ROR1: variants seen among roughly 807,000 people sequenced by gnomAD.
The protein encoded by ROR1 is inactive tyrosine-protein kinase transmembrane receptor ROR1.
ROR1 carries 19 observed loss-of-function variants against 78.8 expected under a neutral mutation model. The ratio of observed to expected loss-of-function variants is 0.24; its 90% CI spans 0.17 to 0.35. The LOEUF (loss-of-function observed/expected upper bound fraction) is 0.35. Ranked by LOEUF, ROR1 falls within the 10% of genes least tolerant of loss-of-function variation. ROR1 has a pLI of 1.00. For missense variants in ROR1, 917 were observed against 1,177.8 expected (o/e 0.78, Z 3.24); for synonymous variants, 386 against 433.6 (o/e 0.89, Z 1.36).
chr1:63,803,879 G>A (rs1318533974), intron 1 of ROR1, among the ~76,000 whole-genome samples: 1 of 152,058 alleles, frequency 6.6e-6, no homozygotes, highest in East Asian at 1.9e-4. Context: ...AAAAATAAAT[G>A]AACTGTCGAT....
At chr1:63,900,127 G>A (rs1303124973) in intron 1 of ROR1, among the ~76,000 whole-genome samples, 1 of 152,062 alleles carries the variant, frequency 6.6e-6, no homozygotes, top group African/African-American at 2.4e-5. Flanking sequence ...TTTGAAGAAA[G>A]CTATTTCTAA....
chr1:64,072,133 C>T (rs1225909354), intron 4 of ROR1, among the ~76,000 whole-genome samples: 2 of 152,190 alleles, frequency 1.3e-5, no homozygotes, highest in Non-Finnish European at 2.9e-5. Context: ...TGCAGAATAA[C>T]CTGTGAAGTT....
chr1:64,135,309 C>G (rs1649066060), intron 4 of ROR1, among the ~76,000 whole-genome samples: 1 of 152,124 alleles, frequency 6.6e-6, no homozygotes. Context: ...TTAGCCTAAG[C>G]CTCACACATA....
chr1:64,003,530 T>C (rs535268913), intron 1 of ROR1, among the ~76,000 whole-genome samples: 1 of 152,324 alleles, frequency 6.6e-6, no homozygotes, highest in South Asian at 2.1e-4. Flanking sequence ...AGCATAGTAC[T>C]TTCCAGTCCT....
At chr1:64,175,475 A>G (rs1419160421) in intron 8 of ROR1, among the ~76,000 whole-genome samples, 1 of 152,206 alleles carries the variant, frequency 6.6e-6, no homozygotes, top group Non-Finnish European at 1.5e-5. Flanking sequence ...TGCTATTACA[A>G]ACAATACTAT....
intron 8 of ROR1, among the ~76,000 whole-genome samples, chr1:64,174,555 G>C (rs1339899729): frequency 1.3e-5 from 2 of 152,144 alleles, no homozygotes; most frequent in Non-Finnish European, 2.9e-5. Flanking sequence ...AATATTCCAT[G>C]AGTTTACTTC....
Position 64,177,926 on chromosome 1 carries a change from G to T in ROR1, c.1885G>T (p.Val629Leu), listed in dbSNP as rs756104727. Residue 629 changes from valine to leucine, a missense_variant, in exon 9 of 9, where the codon GTA (valine) becomes TTA (leucine). Transcript: ENST00000371079. ...RNILIGEQLHVKISDLGLSRE... is the reference protein window; with the variant it reads ...RNILIGEQLHLKISDLGLSRE... ...TATTTTAATCGGAGAGCAACTTCAT[G>T]TAAAGATTTCAGACTTGGGGCTTTC... 6.2e-6 allele frequency: 10 copies of T among 1,614,202 alleles called. No homozygotes were observed. The highest frequency in any genetic ancestry group is 8.5e-6 in the Non-Finnish European group (10 of 1,180,032).
At chr1:64,165,373 G>A (rs1487124360) in intron 8 of ROR1, among the ~76,000 whole-genome samples, 2 of 152,002 alleles carry the variant, frequency 1.3e-5, no homozygotes, top group African/African-American at 4.8e-5. Context: ...ATGTTTGTTG[G>A]CCACACGTAT....
At chr1:64,032,161 T>A (rs1646665839) in intron 2 of ROR1, among the ~76,000 whole-genome samples, 1 of 151,560 alleles carries the variant, frequency 6.6e-6, no homozygotes, top group Non-Finnish European at 1.5e-5. Flanking sequence ...GCTACCACAG[T>A]GAAACCCCGT....
chr1:63,798,899 G>A (rs1439859417), intron 1 of ROR1, among the ~76,000 whole-genome samples: 2 of 152,100 alleles, frequency 1.3e-5, no homozygotes, highest in Admixed American at 1.3e-4. Flanking sequence ...TGTGTGAGAT[G>A]CATTATAAAC....
At chr1:64,059,399 T>C (rs1646899344) in intron 4 of ROR1, among the ~76,000 whole-genome samples, 1 of 152,126 alleles carries the variant, frequency 6.6e-6, no homozygotes, top group Admixed American at 6.6e-5. Flanking sequence ...GTATTTTCTG[T>C]CATGTACTCC....
At chr1:63,938,689 T>C (rs1345832143) in intron 1 of ROR1, among the ~76,000 whole-genome samples, 1 of 152,230 alleles carries the variant, frequency 6.6e-6, no homozygotes, top group Non-Finnish European at 1.5e-5. Flanking sequence ...ATTTTTTTGT[T>C]TTAATTTTTA....
At chr1:64,173,694 A>G (rs1217301139) in intron 8 of ROR1, among the ~76,000 whole-genome samples, 1 of 152,210 alleles carries the variant, frequency 6.6e-6, no homozygotes, top group Non-Finnish European at 1.5e-5. Flanking sequence ...ATATGAGAAC[A>G]AATTTGCTTA....
intron 1 of ROR1, among the ~76,000 whole-genome samples, chr1:63,883,432 C>A (rs1645336304): frequency 6.6e-6 from 1 of 152,154 alleles, no homozygotes; most frequent in African/African-American, 2.4e-5. Flanking sequence ...TTTTTAACAT[C>A]TCCTTCCTCT....
At chr1:63,845,511 G>A (rs537885407) in intron 1 of ROR1, among the ~76,000 whole-genome samples, 19 of 152,232 alleles carry the variant, frequency 1.2e-4, no homozygotes, top group Admixed American at 9.8e-4. Flanking sequence ...CAATGAATGA[G>A]GTCATCTTTT....
At chr1:63,829,541 G>A (rs1644973804) in intron 1 of ROR1, among the ~76,000 whole-genome samples, 1 of 152,178 alleles carries the variant, frequency 6.6e-6, no homozygotes. Flanking sequence ...AACAGGCGAA[G>A]GGAGTGTGAT....
At chr1:64,127,096 A>T (rs1186467239) in intron 4 of ROR1, among the ~76,000 whole-genome samples, 1 of 152,210 alleles carries the variant, frequency 6.6e-6, no homozygotes, top group African/African-American at 2.4e-5. Flanking sequence ...AATTTTGAGG[A>T]TGAATAATCC....
rs1650409013 is a variant in ROR1, at chr1:64,177,317, T to C, written c.1387-111T>C. The C allele has an allele frequency of 6.2e-6, 5 of 803,300 alleles. No individual in the cohort carries two copies. The East Asian group carries it at 7.4e-5, about 12-fold the overall frequency. 49.8% of individuals were successfully genotyped at this position (803,300 alleles called of 1,614,324 possible). Reference sequence around the variant, plus strand: ...AGATATATAGACCTACAATATTTTATTGAATTTGTTTATAGAACCTTTTTC... The same window carrying C: ...AGATATATAGACCTACAATATTTTACTGAATTTGTTTATAGAACCTTTTTC... On this transcript the variant is annotated intron_variant, in intron 8 of 8. Transcript: ENST00000371079.
chr1:63,920,384 G>C (rs933402385), intron 1 of ROR1, among the ~76,000 whole-genome samples: 1 of 152,170 alleles, frequency 6.6e-6, no homozygotes, highest in African/African-American at 2.4e-5. Context: ...TCATAGGTAT[G>C]GTTTAATGGT....
Sources: gnomAD v4.1 joint callset for allele counts (sites outside exome capture counted in the v4.1 genomes callset) on GRCh38, gnomAD v4.1.1 for gene constraint, MANE v1.5 for transcripts, NCBI Gene and HGNC (gene_info 2026-07-23, HGNC 2026-07-21) for gene names.